Variants in CACNA1D observed in about 807,000 individuals in gnomAD.
CACNA1D encodes the protein voltage-dependent L-type calcium channel subunit alpha-1D.
In CACNA1D, 55 loss-of-function variants were observed where a neutral mutation model predicts 257.1. That is an observed-to-expected ratio of 0.21 (90% CI 0.17 to 0.27). The LOEUF (loss-of-function observed/expected upper bound fraction) is 0.27, where lower values mean the gene tolerates loss of function less well. Among genes scored for constraint, CACNA1D ranks in the 10% least tolerant of loss-of-function variants. The pLI is 1.00. For synonymous variants in CACNA1D, 980 were observed against 1,014.9 expected (o/e 0.97, Z 0.65); for missense variants, 1,876 against 2,784.0 (o/e 0.67, Z 7.34).
chr3:53,702,421 G>T (rs1304557815), intron 8 of CACNA1D, among the ~76,000 whole-genome samples: 1 of 152,216 alleles, frequency 6.6e-6, no homozygotes, highest in African/African-American at 2.4e-5. Flanking sequence ...AATGATGCAT[G>T]TGTGTTGGTG....
At chr3:53,666,875 G>A (rs1171586230) in intron 7 of CACNA1D, among the ~76,000 whole-genome samples, 2 of 152,132 alleles carry the variant, frequency 1.3e-5, no homozygotes, top group South Asian at 2.1e-4. Context: ...GAGCCAAAGG[G>A]TCACTTTCCA....
At chr3:53,627,591 A>G (rs2093773979) in intron 3 of CACNA1D, among the ~76,000 whole-genome samples, 1 of 113,462 alleles carries the variant, frequency 8.8e-6, no homozygotes, top group African/African-American at 3.5e-5. Context: ...CTCAAGCCTC[A>G]CTAGCCTGTG....
At chr3:53,716,559 G>A (rs375963053) in intron 9 of CACNA1D, among the ~76,000 whole-genome samples, 3 of 137,198 alleles carry the variant, frequency 2.2e-5, no homozygotes, top group African/African-American at 5.5e-5. Flanking sequence ...GATTAGAGTC[G>A]TATTTTTTGT....
chr3:53,523,903 G>A (rs1001458679), intron 3 of CACNA1D, among the ~76,000 whole-genome samples: 1 of 152,244 alleles, frequency 6.6e-6, no homozygotes, highest in African/African-American at 2.4e-5. Context: ...ACCAGACTCT[G>A]AGAGCCTTGA....
chr3:53,652,090 G>A (rs1162285011), intron 4 of CACNA1D, among the ~76,000 whole-genome samples: 1 of 152,170 alleles, frequency 6.6e-6, no homozygotes, highest in African/African-American at 2.4e-5. Flanking sequence ...AAATGAACAG[G>A]TAGCAGATAT....
chr3:53,668,777 T>C (rs1360830773), intron 7 of CACNA1D, among the ~76,000 whole-genome samples: 1 of 152,230 alleles, frequency 6.6e-6, no homozygotes, highest in Admixed American at 6.5e-5. Context: ...GAAGCAGCCA[T>C]GGGCAATACA....
chr3:53,758,302 G>T (rs2095278953), intron 29 of CACNA1D, among the ~76,000 whole-genome samples: 2 of 152,198 alleles, frequency 1.3e-5, no homozygotes, highest in South Asian at 4.1e-4. Flanking sequence ...GCCAGCATGG[G>T]TAAGAGATCT....
At chr3:53,499,556 C>G (rs1372251411) in intron 2 of CACNA1D, among the ~76,000 whole-genome samples, 1 of 152,088 alleles carries the variant, frequency 6.6e-6, no homozygotes. Context: ...TTGCTCTGTT[C>G]TGCTTCACTT....
chr3:53,747,710 A>G lies in CACNA1D; in HGVS notation c.3314+262A>G, dbSNP rs2016271. Among the ~76,000 whole-genome samples, 119,272 of 152,196 alleles carry G rather than the reference A, an allele frequency of 0.78. 47,603 individuals are homozygous for G. Among genetic ancestry groups the G allele is most frequent in the East Asian group, 1 (5,173 of 5,176 alleles). ...GGGAGGCCTGAGATGCCTCAGTCCC[A>G]TGAACTCCCATTGGATGTCAGGAAA... On this transcript the variant is annotated intron_variant, in intron 26 of 47. Transcript: ENST00000350061.
chr3:53,497,766 C>T (rs2107078376), intron 2 of CACNA1D, among the ~76,000 whole-genome samples: 1 of 152,180 alleles, frequency 6.6e-6, no homozygotes, highest in South Asian at 2.1e-4. Flanking sequence ...GGTTATTGGA[C>T]ATTAGATGGT....
intron 3 of CACNA1D, among the ~76,000 whole-genome samples, chr3:53,562,037 T>C (rs146833176): frequency 2.0e-5 from 3 of 152,326 alleles, no homozygotes; most frequent in African/African-American, 7.2e-5. Flanking sequence ...TTTGTACATA[T>C]CCTTGTACAA....
At chr3:53,633,504 G>A (rs1366235828) in intron 3 of CACNA1D, among the ~76,000 whole-genome samples, 1 of 152,140 alleles carries the variant, frequency 6.6e-6, no homozygotes, top group African/African-American at 2.4e-5. Context: ...CTTGCCCAAG[G>A]TTATATAGCT....
rs869046550 is a variant in CACNA1D at position 53,548,371 on chromosome 3, T to TAAAAAA, written c.483+46656_483+46657insAAAAAA. Reference sequence around the variant, plus strand: ...ACAAAGCTTTTTTTTTTTTTTTTTTTAAAAATTATCTTTAAAGAATCCATT... The same window carrying TAAAAAA: ...ACAAAGCTTTTTTTTTTTTTTTTTTTAAAAAAAAAAATTATCTTTAAAGAATCCATT... On this transcript the variant is annotated intron_variant, in intron 3 of 47. Transcript: ENST00000350061. 8.6e-3 allele frequency among the ~76,000 whole-genome samples: 1,192 copies of TAAAAAA among 138,142 alleles called. 77 individuals are homozygous for TAAAAAA. In the South Asian group the frequency reaches 0.16, roughly 18 times the overall value. The allele number at this position is 138,142 out of a possible 152,430, so 90.6% of individuals were successfully genotyped here.
At position 53,727,132 on chromosome 3, in the gene CACNA1D, T is replaced by C. The variant is rs1326525693; in HGVS notation, c.2221+133T>C. On this transcript the variant is annotated intron_variant, in intron 15 of 47. Transcript: ENST00000350061. ...AGGTAAATGCCTTTACCTTATTAGC[T>C]CAATATCTGCTTTTCTTCCATGCTG... The C allele has an allele frequency of 6.9e-6, 7 of 1,021,374 alleles. No homozygotes were observed. The Admixed American group carries it at 8.5e-5, about 12-fold the overall frequency. The allele number at this position is 1,021,374 out of a possible 1,614,324, so 63.3% of individuals were successfully genotyped here.
At chr3:53,769,520 A>G (rs1432593163) in intron 30 of CACNA1D, among the ~76,000 whole-genome samples, 1 of 152,206 alleles carries the variant, frequency 6.6e-6, no homozygotes, top group East Asian at 1.9e-4. Flanking sequence ...AGTGTGGTCC[A>G]AGGGGGTTTG....
intron 3 of CACNA1D, among the ~76,000 whole-genome samples, chr3:53,542,080 C>A (rs1483565275): frequency 6.6e-6 from 1 of 151,962 alleles, no homozygotes. Context: ...GACCATGGTG[C>A]TGGTTGCATA....
chr3:53,533,485 G>T (rs185350251), intron 3 of CACNA1D, among the ~76,000 whole-genome samples: 1 of 152,174 alleles, frequency 6.6e-6, no homozygotes, highest in African/African-American at 2.4e-5. Context: ...GTCTTCTTCT[G>T]TGTGGTCAGA....
At chr3:53,618,160 C>T (rs2093657394) in intron 3 of CACNA1D, among the ~76,000 whole-genome samples, 1 of 152,188 alleles carries the variant, frequency 6.6e-6, no homozygotes, top group Non-Finnish European at 1.5e-5. Context: ...CTCGACAGCT[C>T]CTAGCAGCTG....
intron 3 of CACNA1D, among the ~76,000 whole-genome samples, chr3:53,555,373 A>G (rs1027735811): frequency 6.6e-6 from 1 of 151,308 alleles, no homozygotes; most frequent in African/African-American, 2.4e-5. Flanking sequence ...TCAGTGTGAA[A>G]GTGGCTGTGG....
Sources: gnomAD v4.1 joint callset for allele counts (sites outside exome capture counted in the v4.1 genomes callset) on GRCh38, gnomAD v4.1.1 for gene constraint, MANE v1.5 for transcripts, NCBI Gene and HGNC (gene_info 2026-07-23, HGNC 2026-07-21) for gene names.